The following RBM19 variants were observed in gnomAD, a reference collection of about 807,000 sequenced individuals.
RBM19 encodes probable RNA-binding protein 19.
A neutral mutation model predicts 116.8 loss-of-function variants in RBM19; 94 were observed. The observed-to-expected ratio is 0.80, with a 90% CI of 0.68 to 0.95. RBM19 has a LOEUF of 0.95. Among genes scored for constraint, RBM19 ranks in the 40% least tolerant of loss-of-function variants. The probability of loss-of-function intolerance (pLI) is 0.00; values close to 1 mark genes in which losing one functional copy is unlikely to be tolerated. For missense variants in RBM19, 1,161 were observed against 1,220.7 expected (o/e 0.95, Z 0.73); for synonymous variants, 475 against 494.1 (o/e 0.96, Z 0.51).
intron 21 of RBM19, among the ~76,000 whole-genome samples, chr12:113,888,592 G>A (rs889533749): frequency 7.2e-5 from 11 of 152,130 alleles, no homozygotes; most frequent in Admixed American, 5.2e-4. Flanking sequence ...CATGTGAGAG[G>A]ACAGGCATCA....
chr12:113,852,978 G>A (rs562106953), intron 22 of RBM19, among the ~76,000 whole-genome samples: 7 of 152,384 alleles, frequency 4.6e-5, no homozygotes, highest in Admixed American at 4.6e-4. Flanking sequence ...CCGGCGAGGA[G>A]GAAGGCTGTC....
At chr12:113,882,434 C>T (rs1880213220) in intron 21 of RBM19, among the ~76,000 whole-genome samples, 1 of 152,086 alleles carries the variant, frequency 6.6e-6, no homozygotes, top group Non-Finnish European at 1.5e-5. Flanking sequence ...CCTAAATCAC[C>T]AGAATTCTGT....
chr12:113,963,156 G>A (rs1255052002), intron 1 of RBM19, among the ~76,000 whole-genome samples: 2 of 152,338 alleles, frequency 1.3e-5, no homozygotes, highest in African/African-American at 2.4e-5. Flanking sequence ...TTGATTTTAG[G>A]ATTTCTGACC....
intron 22 of RBM19, among the ~76,000 whole-genome samples, chr12:113,854,929 C>T (rs1012303008): frequency 1.3e-5 from 2 of 152,214 alleles, no homozygotes; most frequent in Admixed American, 1.3e-4. Flanking sequence ...ACAAAGCCAG[C>T]GCGCTCGCGG....
At chr12:113,860,344 C>T (rs1240218116) in intron 21 of RBM19, among the ~76,000 whole-genome samples, 1 of 152,234 alleles carries the variant, frequency 6.6e-6, no homozygotes, top group Admixed American at 6.5e-5. Context: ...GCGGATGCAT[C>T]CCATGACAGA....
intron 21 of RBM19, among the ~76,000 whole-genome samples, chr12:113,882,063 T>C (rs376564103): frequency 1.8e-4 from 27 of 152,374 alleles, no homozygotes; most frequent in African/African-American, 6.0e-4. Context: ...CACAGAGTCC[T>C]GGTGGCCCCT....
intron 16 of RBM19, 113 bp downstream of exon 16, chr12:113,936,894 T>G: frequency 1.4e-6 from 2 of 1,404,030 alleles, no homozygotes; most frequent in South Asian, 2.8e-5. Flanking sequence ...GTCTCTAGCA[T>G]GAACAAAGAG....
At chr12:113,908,249 G>A (rs955637338) in intron 21 of RBM19, among the ~76,000 whole-genome samples, 2 of 152,134 alleles carry the variant, frequency 1.3e-5, no homozygotes, top group East Asian at 1.9e-4. Flanking sequence ...CAAAGGGCTG[G>A]AAGCTTTTGG....
intron 1 of RBM19, among the ~76,000 whole-genome samples, 180 bp from the exon 2 acceptor site, chr12:113,962,594 C>G (rs1346531665): frequency 2.0e-5 from 3 of 152,198 alleles, no homozygotes; most frequent in Non-Finnish European, 4.4e-5. Context: ...GTTGTGTGGC[C>G]TTGAGAAAGT....
intron 21 of RBM19, among the ~76,000 whole-genome samples, chr12:113,861,539 G>A (rs1421705803): frequency 6.7e-6 from 1 of 149,602 alleles, no homozygotes; most frequent in East Asian, 2.0e-4. Flanking sequence ...TCGGGGGGTG[G>A]TGGTGTGAGA....
Position 113,962,279 on chromosome 12 carries a change from C to A in RBM19, c.172G>T (p.Ala58Ser). Residue 58 changes from alanine to serine, a missense_variant, in exon 2 of 24, where the codon GCA (alanine) becomes TCA (serine). Transcript: ENST00000261741. Reference sequence around the variant, plus strand: ...AAGCTCTTGTTGAAATGCTTCTGTGCCTTCTGGGCCTCTTCCTCGGACTTG... The same window carrying A: ...AAGCTCTTGTTGAAATGCTTCTGTGACTTCTGGGCCTCTTCCTCGGACTTG... ...GFKSEEEAQK[A>S]QKHFNKSFID... The A allele has an allele frequency of 6.2e-7, 1 of 1,614,250 alleles. No homozygotes were observed. Among genetic ancestry groups the A allele is most frequent in the Admixed American group, 1.7e-5 (1 of 60,030 alleles).
In RBM19 at chr12:113,900,081, C is replaced by T. The variant is rs1024334434; in HGVS notation, c.2558+14888G>A. 5.3e-5 allele frequency among the ~76,000 whole-genome samples: 8 copies of T among 152,314 alleles called. No individual in the cohort carries two copies. The South Asian group carries it at 1.7e-3, about 32-fold the overall frequency. On this transcript the variant is annotated intron_variant, in intron 21 of 23. Coordinates refer to ENST00000261741, the MANE Select transcript of RBM19 (RefSeq NM_016196.4). ...CCTGTTCCACTGTCTGAGCTTTTGT[C>T]GCCCACTCTGGAACCAGTCTAGGCG...
intron 21 of RBM19, among the ~76,000 whole-genome samples, chr12:113,888,338 G>A (rs1395314139): frequency 6.6e-6 from 1 of 152,112 alleles, no homozygotes; most frequent in East Asian, 1.9e-4. Flanking sequence ...AGACTATTTG[G>A]TTCTGCTTTG....
intron 1 of RBM19, among the ~76,000 whole-genome samples, chr12:113,965,138 T>C (rs1214098311): frequency 6.6e-6 from 1 of 151,212 alleles, no homozygotes; most frequent in Non-Finnish European, 1.5e-5. Context: ...TCGGGCTTGG[T>C]GGCGCGTGTC....
intron 22 of RBM19, among the ~76,000 whole-genome samples, chr12:113,852,167 G>A (rs995523599): frequency 2.6e-5 from 4 of 152,102 alleles, no homozygotes; most frequent in African/African-American, 4.8e-5. Context: ...AAATGAGGAC[G>A]TCTGAACCTG....
intron 21 of RBM19, among the ~76,000 whole-genome samples, chr12:113,862,936 A>C (rs1001820600): frequency 6.6e-6 from 1 of 152,076 alleles, no homozygotes; most frequent in Non-Finnish European, 1.5e-5. Flanking sequence ...GGGTTCACCA[A>C]TTACTCCCCC....
chr12:113,915,680 A>G (rs560636956), intron 20 of RBM19, among the ~76,000 whole-genome samples: 4 of 152,316 alleles, frequency 2.6e-5, no homozygotes, highest in Admixed American at 6.5e-5. Context: ...GCCAAATCCG[A>G]CACTTAGGAT....
At position 113,937,144 on chromosome 12, in the gene RBM19, G is replaced by C; in HGVS notation, c.1939-8C>G. On this transcript the variant is annotated splice_polypyrimidine_tract_variant and splice_region_variant and intron_variant, in intron 15 of 23. Coordinates refer to ENST00000261741, the MANE Select transcript of RBM19 (RefSeq NM_016196.4). ...GAGGGGGACATGATGGAACTGCAGAGACAAGAGTGATGGCCCTGTGGGTCT... is the reference window on the plus strand; with the variant it reads ...GAGGGGGACATGATGGAACTGCAGACACAAGAGTGATGGCCCTGTGGGTCT... 1 of 1,613,940 alleles carries C rather than the reference G, an allele frequency of 6.2e-7. No individual in the cohort carries two copies. Among genetic ancestry groups the C allele is most frequent in the Non-Finnish European group, 8.5e-7 (1 of 1,179,914 alleles).
intron 18 of RBM19, among the ~76,000 whole-genome samples, chr12:113,923,035 G>C (rs563921650): frequency 6.6e-6 from 1 of 152,348 alleles, no homozygotes; most frequent in South Asian, 2.1e-4. Context: ...TGGGGAGGCT[G>C]AGGCACAAGA....
Sources: allele counts gnomAD v4.1 joint callset (sites outside exome capture counted in the v4.1 genomes callset), GRCh38; gene constraint gnomAD v4.1.1; transcripts MANE v1.5; gene names NCBI Gene and HGNC (gene_info 2026-07-23, HGNC 2026-07-21).